EYS: variants seen among roughly 807,000 people sequenced by gnomAD.
The protein encoded by EYS is protein eyes shut homolog.
A neutral mutation model predicts 282.1 loss-of-function variants in EYS; 250 were observed. The observed-to-expected ratio is 0.89, with a 90% CI of 0.80 to 0.98. The LOEUF (loss-of-function observed/expected upper bound fraction) is 0.98. EYS is among the 50% of genes least tolerant of loss of function. The probability of loss-of-function intolerance (pLI) is 0.00; values close to 1 mark genes in which losing one functional copy is unlikely to be tolerated. For missense variants in EYS, 4,016 were observed against 3,709.0 expected, an observed-to-expected ratio of 1.08 and a Z score of -2.15; for synonymous variants, 1,355 against 1,282.9, an observed-to-expected ratio of 1.06 and a Z score of -1.20.
At chr6:65,596,711 C>CA (rs1765419926) in intron 2 of EYS, among the ~76,000 whole-genome samples, 3 of 150,962 alleles carry the variant, frequency 2.0e-5, no homozygotes, top group South Asian at 2.1e-4. Context: ...AGGCTTTCCA[C>CA]AAAAAAATAA....
chr6:63,751,205 T>C (rs1769333187), intron 41 of EYS, among the ~76,000 whole-genome samples: 1 of 152,206 alleles, frequency 6.6e-6, no homozygotes, highest in South Asian at 2.1e-4. Flanking sequence ...TATCTGTACA[T>C]ACTATAAGGC....
intron 26 of EYS, among the ~76,000 whole-genome samples, chr6:64,497,196 C>T (rs1327244142): frequency 6.6e-6 from 1 of 152,074 alleles, no homozygotes; most frequent in Non-Finnish European, 1.5e-5. Flanking sequence ...ATTCTACTTG[C>T]ACATAGTGTA....
At chr6:64,720,300 T>C (rs74975029) in intron 22 of EYS, among the ~76,000 whole-genome samples, 1,663 of 152,296 alleles carry the variant, frequency 0.011, 34 homozygotes, top group African/African-American at 0.039. Context: ...CCTTCCTGCA[T>C]CCTTCTTATG....
At chr6:65,366,033 G>A (rs1441784855) in intron 8 of EYS, among the ~76,000 whole-genome samples, 1 of 151,732 alleles carries the variant, frequency 6.6e-6, no homozygotes, top group Non-Finnish European at 1.5e-5. Flanking sequence ...ACCAGTTAGT[G>A]CCTTTTGTGT....
intron 2 of EYS, among the ~76,000 whole-genome samples, chr6:65,498,620 C>T (rs973113492): frequency 6.6e-6 from 1 of 151,720 alleles, no homozygotes; most frequent in African/African-American, 2.4e-5. Flanking sequence ...ATTGCATTTC[C>T]ACCTTGTGAA....
rs915963149 is a variant in EYS, at chr6:65,372,546, A to G, written c.1299+11840T>C. On this transcript the variant is annotated intron_variant, in intron 8 of 42. Transcript: ENST00000503581. ...TATTTATATAAACATGAAAATAACT[A>G]TAGGATTTTTTTTTGCCATGAGCTC... 6.6e-5 allele frequency among the ~76,000 whole-genome samples: 10 copies of G among 152,070 alleles called. No individual in the cohort carries two copies. The East Asian group carries it at 7.7e-4, about 12-fold the overall frequency.
intron 18 of EYS, among the ~76,000 whole-genome samples, chr6:64,890,791 TAA>T (rs1232032319): frequency 6.6e-6 from 1 of 152,154 alleles, no homozygotes; most frequent in Non-Finnish European, 1.5e-5. Context: ...TTTATTTTTC[TAA>T]AGTTTTTGGC....
chr6:63,893,309 A>G (rs1335782282), intron 35 of EYS, among the ~76,000 whole-genome samples: 1 of 152,194 alleles, frequency 6.6e-6, no homozygotes, highest in Non-Finnish European at 1.5e-5. Context: ...CACAATAGCA[A>G]AGACTTGGAA....
At chr6:63,835,679 A>G (rs1459697138) in intron 36 of EYS, among the ~76,000 whole-genome samples, 1 of 152,096 alleles carries the variant, frequency 6.6e-6, no homozygotes. Context: ...TAACCACTAA[A>G]GAACTTATGT....
At chr6:64,178,163 G>A (rs1313188658) in intron 31 of EYS, among the ~76,000 whole-genome samples, 1 of 151,994 alleles carries the variant, frequency 6.6e-6, no homozygotes, top group Non-Finnish European at 1.5e-5. Context: ...GTGTGAATGT[G>A]GATGTATGTT....
chr6:64,662,826 T>G (rs946799585), intron 22 of EYS, among the ~76,000 whole-genome samples: 12 of 152,182 alleles, frequency 7.9e-5, no homozygotes, highest in African/African-American at 2.7e-4. Flanking sequence ...GATCACGCAG[T>G]TAGCAAATAA....
intron 19 of EYS, among the ~76,000 whole-genome samples, chr6:64,885,711 T>C (rs1006416843): frequency 1.3e-5 from 2 of 151,832 alleles, no homozygotes; most frequent in Non-Finnish European, 2.9e-5. Flanking sequence ...ATGAGATTTG[T>C]TACCAAGATT....
chr6:64,019,326 A>C (rs765017861), intron 33 of EYS, among the ~76,000 whole-genome samples: 2 of 152,116 alleles, frequency 1.3e-5, no homozygotes, highest in Non-Finnish European at 2.9e-5. Flanking sequence ...TGAGATAATA[A>C]ATTTCTGTTG....
At chr6:65,574,828 T>C (rs1764600725) in intron 2 of EYS, among the ~76,000 whole-genome samples, 1 of 152,140 alleles carries the variant, frequency 6.6e-6, no homozygotes, top group African/African-American at 2.4e-5. Context: ...TTCTCTCAAG[T>C]GCACATGGAA....
At chr6:64,529,241 G>C (rs1305491656) in intron 26 of EYS, among the ~76,000 whole-genome samples, 1 of 152,006 alleles carries the variant, frequency 6.6e-6, no homozygotes, top group Non-Finnish European at 1.5e-5. Context: ...AAACTTTGTA[G>C]TTCTCCAAGT....
At chr6:65,250,228 A>G (rs1329408764) in intron 12 of EYS, among the ~76,000 whole-genome samples, 1 of 152,072 alleles carries the variant, frequency 6.6e-6, no homozygotes, top group African/African-American at 2.4e-5. Flanking sequence ...ATGCTCTATT[A>G]TATGCATGAT....
chr6:64,356,224 G>A (rs1771820854), intron 29 of EYS, among the ~76,000 whole-genome samples: 1 of 151,178 alleles, frequency 6.6e-6, no homozygotes, highest in Non-Finnish European at 1.5e-5. Context: ...ATTGTATGTG[G>A]GTTCATAGTA....
intron 12 of EYS, among the ~76,000 whole-genome samples, chr6:65,288,436 G>A (rs1176223799): frequency 1.3e-5 from 2 of 150,370 alleles, no homozygotes; most frequent in African/African-American, 2.4e-5. Flanking sequence ...ATACGAGATA[G>A]ATACAAACAA....
At chr6:65,490,772 C>A (rs1766014257) in intron 4 of EYS, 65 bp from the exon 5 acceptor site, 8 of 845,344 alleles carry the variant, frequency 9.5e-6, no homozygotes, top group Non-Finnish European at 1.6e-5. Context: ...AGTTTTCCCT[C>A]AATTCTTTAA....
Sources: gnomAD v4.1 joint callset for allele counts (sites outside exome capture counted in the v4.1 genomes callset) on GRCh38, gnomAD v4.1.1 for gene constraint, MANE v1.5 for transcripts, NCBI Gene and HGNC (gene_info 2026-07-23, HGNC 2026-07-21) for gene names.